PREPL: variants seen among roughly 807,000 people sequenced by gnomAD.
PREPL encodes the protein prolyl endopeptidase-like.
Under a neutral mutation model 70.6 loss-of-function variants are expected in PREPL, and 77 were observed. The observed-to-expected ratio is 1.09, with a 90% CI of 0.91 to 1.32. PREPL has a LOEUF of 1.32. Ranked by LOEUF, PREPL falls within the 40% of genes most tolerant of loss-of-function variation. The pLI, the probability that PREPL is intolerant of heterozygous loss-of-function variation, is 0.00. For missense variants in PREPL, 1,002 were observed against 778.2 expected (o/e 1.29, Z -3.42); for synonymous variants, 315 against 264.8 (o/e 1.19, Z -1.84).
At chr2:44,352,317 G>A (rs943777939) in intron 1 of PREPL, among the ~76,000 whole-genome samples, 4 of 152,060 alleles carry the variant, frequency 2.6e-5, no homozygotes, top group African/African-American at 7.2e-5. Context: ...CAGCTGGAGT[G>A]CAGTGGCATG....
In PREPL at chr2:44,320,786, C is replaced by A; in HGVS notation, c.*570G>T. On this transcript the variant is annotated 3_prime_UTR_variant, in exon 14 of 14. Coordinates refer to ENST00000409411, the MANE Select transcript of PREPL (RefSeq NM_001171613.2). ...GAATGTAACTGCTTTAAGAAAGGTTCTCAAATGTTTTGAAAAAAATAAAAT... is the reference window on the plus strand; with the variant it reads ...GAATGTAACTGCTTTAAGAAAGGTTATCAAATGTTTTGAAAAAAATAAAAT... 1.4e-6 allele frequency: 1 copy of A among 711,850 alleles called. No homozygotes were observed. Among genetic ancestry groups the A allele is most frequent in the Non-Finnish European group, 2.4e-6 (1 of 415,016 alleles). 44.1% of individuals were successfully genotyped at this position (711,850 alleles called of 1,614,324 possible). A position where few individuals can be genotyped will look rare whatever the true frequency, so the allele number is the denominator to read the frequency against.
At chr2:44,323,452 T>C (rs746875404) in intron 10 of PREPL, 41 bp from the exon 11 acceptor site, 79 of 1,491,214 alleles carry the variant, frequency 5.3e-5, no homozygotes, top group Admixed American at 1.1e-4. Context: ...AAGTAAGAGG[T>C]TGGTAAGTGA....
Position 44,320,705 on chromosome 2 carries a change from A to ATGC in PREPL, c.*650_*651insGCA. 1 of 1,170,630 alleles carries ATGC rather than the reference A, an allele frequency of 8.5e-7. No homozygotes were observed. The highest frequency in any genetic ancestry group is 1.3e-6 in the Non-Finnish European group (1 of 777,734). The allele number at this position is 1,170,630 out of a possible 1,614,324, so 72.5% of individuals were successfully genotyped here. ...GATTGTAAGCATTTGTAATAGCTTC[A>ATGC]TGTACAGCATGCTGCTTGGTGAACA... On this transcript the variant is annotated 3_prime_UTR_variant, in exon 14 of 14. Coordinates refer to ENST00000409411, the MANE Select transcript of PREPL (RefSeq NM_001171613.2).
At position 44,319,015 on chromosome 2, in the gene PREPL, CTT is replaced by C. The variant is rs1458179849; in HGVS notation, c.*2339_*2340del. The C allele has an allele frequency of 6.6e-6, 1 of 152,308 alleles. No individual in the cohort carries two copies. Among genetic ancestry groups the C allele is most frequent in the East Asian group, 1.9e-4 (1 of 5,180 alleles). 9.4% of individuals were successfully genotyped at this position (152,308 alleles called of 1,614,324 possible). ...AATAGCTAACACTTACCGGGCACTTCTTATGTGAGTGGCACTGAAACATGTGC... is the reference window on the plus strand; with the variant it reads ...AATAGCTAACACTTACCGGGCACTTCATGTGAGTGGCACTGAAACATGTGC... On this transcript the variant is annotated 3_prime_UTR_variant, in exon 14 of 14. Coordinates refer to ENST00000409411, the MANE Select transcript of PREPL (RefSeq NM_001171613.2).
chr2:44,321,533 CCTAACCGTGAAGTCAG>C (rs1442750561), intron 13 of PREPL, 88 bp from the exon 14 acceptor site: 5 of 1,539,830 alleles, frequency 3.2e-6, no homozygotes, highest in Non-Finnish European at 4.4e-6. Context: ...TCCATCTTTA[CCTAACCGTGAAGTCAG>C]CAATTTATGG....
Position 44,321,910 on chromosome 2 carries a change from T to C in PREPL, c.1754-10A>G, listed in dbSNP as rs1479362188. 6.2e-7 allele frequency: 1 copy of C among 1,609,836 alleles called. No homozygotes were observed. Among genetic ancestry groups the C allele is most frequent in the African/African-American group, 1.3e-5 (1 of 74,626 alleles). On this transcript the variant is annotated splice_polypyrimidine_tract_variant and intron_variant, in intron 12 of 13. Transcript: ENST00000409411. ...TTAGGGGTCTGATAGCCTGGAAGAG[T>C]TAACATGTAGAACAATTAGAAGATT... is the stretch of plus-strand genomic sequence containing the variant.
chr2:44,320,592 C>T lies in PREPL; in HGVS notation c.*764G>A, dbSNP rs1361526419. On this transcript the variant is annotated 3_prime_UTR_variant, in exon 14 of 14. Coordinates refer to ENST00000409411, the MANE Select transcript of PREPL (RefSeq NM_001171613.2). ...CAGAGATAGATGCTTTGTTTCCAAT[C>T]GAGCATGCTATTCCAGTGTACTGAA... 10 of 1,613,862 alleles carry T rather than the reference C, an allele frequency of 6.2e-6. No individual in the cohort carries two copies. The highest frequency in any genetic ancestry group is 2.7e-5 in the African/African-American group (2 of 74,894).
intron 3 of PREPL, 69 bp downstream of exon 3, chr2:44,344,451 T>C (rs1675563540): frequency 3.5e-6 from 4 of 1,153,670 alleles, no homozygotes; most frequent in Non-Finnish European, 4.8e-6. Context: ...TTTGAGAAAT[T>C]AATAAATTTC....
At chr2:44,347,981 G>C (rs1676006992) in intron 1 of PREPL, among the ~76,000 whole-genome samples, 1 of 152,078 alleles carries the variant, frequency 6.6e-6, no homozygotes, top group Non-Finnish European at 1.5e-5. Context: ...ATTATTATTT[G>C]AATTAGATTA....
rs771277513 is a variant in PREPL at position 44,320,640 on chromosome 2, G to T, written c.*716C>A. 7 of 1,612,144 alleles carry T rather than the reference G, an allele frequency of 4.3e-6. No homozygotes were observed. The highest frequency in any genetic ancestry group is 2.2e-5 in the South Asian group (2 of 91,036). Reference sequence around the variant, plus strand: ...GAACATACTGTATACCTCGTGTTAGGCACCTTTATGAAGAGATGAAGACAC... The same window carrying T: ...GAACATACTGTATACCTCGTGTTAGTCACCTTTATGAAGAGATGAAGACAC... On this transcript the variant is annotated 3_prime_UTR_variant, in exon 14 of 14. Coordinates refer to ENST00000409411, the MANE Select transcript of PREPL (RefSeq NM_001171613.2).
chr2:44,355,987 G>T (rs1045922617), intron 1 of PREPL, among the ~76,000 whole-genome samples: 20 of 152,098 alleles, frequency 1.3e-4, no homozygotes, highest in African/African-American at 4.8e-4. Flanking sequence ...GGAAGATAAA[G>T]AAATGTGATA....
In PREPL at chr2:44,321,917, G is replaced by T. The variant is rs1465034720; in HGVS notation, c.1754-17C>A. ...TCTGATAGCCTGGAAGAGTTAACATGTAGAACAATTAGAAGATTGTATGGG... is the reference window on the plus strand; with the variant it reads ...TCTGATAGCCTGGAAGAGTTAACATTTAGAACAATTAGAAGATTGTATGGG... On this transcript the variant is annotated splice_polypyrimidine_tract_variant and intron_variant, in intron 12 of 13. Coordinates refer to ENST00000409411, the MANE Select transcript of PREPL (RefSeq NM_001171613.2). 1 of 1,607,622 alleles carries T rather than the reference G, an allele frequency of 6.2e-7. No homozygotes were observed. Among genetic ancestry groups the T allele is most frequent in the Non-Finnish European group, 8.5e-7 (1 of 1,176,308 alleles).
intron 1 of PREPL, chr2:44,356,086 A>C (rs1019408145): frequency 4.6e-5 from 7 of 152,174 alleles, no homozygotes; most frequent in Non-Finnish European, 7.3e-5. Context: ...GGCTAATGTA[A>C]AATGGAAAGC....
rs966745305 is a variant in PREPL, at chr2:44,340,927, C to CAAAAAA, written c.485+1484_485+1489dup. On this transcript the variant is annotated intron_variant, in intron 5 of 13. Transcript: ENST00000409411. The stretch of plus-strand genomic sequence containing the variant: ...TGGGTGACAGAGTGAGACTCTGTTT[C>CAAAAAA]AAAAAAAAAAAAAAAAAATTAAGAA... Among the ~76,000 whole-genome samples, 502 of 97,932 alleles carry CAAAAAA rather than the reference C, an allele frequency of 5.1e-3. 4 individuals carry two copies. Among genetic ancestry groups the CAAAAAA allele is most frequent in the African/African-American group, 0.015 (452 of 29,392 alleles). 64.2% of individuals were successfully genotyped at this position (97,932 alleles called of 152,430 possible).
Position 44,318,585 on chromosome 2 carries a change from AATATATAAAC to A in PREPL, c.*2761_*2770del, listed in dbSNP as rs1361616704. ...ACATATCACCAACTGTGTAAAGAAA[AATATATAAAC>A]ATATGAAATGATACATTCTGTGCCT... is the stretch of plus-strand genomic sequence containing the variant. On this transcript the variant is annotated 3_prime_UTR_variant, in exon 14 of 14. Transcript: ENST00000409411. The A allele has an allele frequency of 1.3e-5, 2 of 152,860 alleles. No homozygotes were observed. Among genetic ancestry groups the A allele is most frequent in the Non-Finnish European group, 2.9e-5 (2 of 68,484 alleles). The allele number at this position is 152,860 out of a possible 1,614,324, so 9.5% of individuals were successfully genotyped here. A position where few individuals can be genotyped will look rare whatever the true frequency, so the allele number is the denominator to read the frequency against.
At chr2:44,330,897 G>C (rs1674021016) in intron 8 of PREPL, among the ~76,000 whole-genome samples, 1 of 151,968 alleles carries the variant, frequency 6.6e-6, no homozygotes, top group African/African-American at 2.4e-5. Context: ...TCCTCACCCT[G>C]CCAATCTTCC....
chr2:44,349,897 C>G (rs1407162143), intron 1 of PREPL, among the ~76,000 whole-genome samples: 1 of 151,842 alleles, frequency 6.6e-6, no homozygotes, highest in Non-Finnish European at 1.5e-5. Flanking sequence ...AAAATTGACC[C>G]AAGAAATAGA....
chr2:44,343,645 A>T, intron 4 of PREPL, 100 bp downstream of exon 4: 1 of 1,013,106 alleles, frequency 9.9e-7, no homozygotes, highest in Non-Finnish European at 1.5e-6. Flanking sequence ...TACATGAATC[A>T]GGCATTCACC....
rs983270780 is a variant in PREPL, at chr2:44,328,643, AG to A, written c.1262+293del. ...ATGGAAGTTAAATGGAAAACAGTTC[AG>A]ATTCAGAGGCTACTTAAACCTGAAT... On this transcript the variant is annotated intron_variant, in intron 9 of 13. Coordinates refer to ENST00000409411, the MANE Select transcript of PREPL (RefSeq NM_001171613.2). 7.9e-5 allele frequency among the ~76,000 whole-genome samples: 12 copies of A among 152,266 alleles called. No individual in the cohort carries two copies. The South Asian group carries it at 2.5e-3, about 32-fold the overall frequency.
Sources: allele counts gnomAD v4.1 joint callset (sites outside exome capture counted in the v4.1 genomes callset), GRCh38; gene constraint gnomAD v4.1.1; transcripts MANE v1.5; gene names NCBI Gene and HGNC (gene_info 2026-07-23, HGNC 2026-07-21).